CRAMP1: variants seen among roughly 807,000 people sequenced by gnomAD.
CRAMP1 encodes protein cramped-like.
A neutral mutation model predicts 115.4 loss-of-function variants in CRAMP1; 50 were observed. That is an observed-to-expected ratio of 0.43 (90% CI 0.35 to 0.55). The LOEUF (loss-of-function observed/expected upper bound fraction) is 0.55. Ranked by LOEUF, CRAMP1 falls within the 20% of genes least tolerant of loss-of-function variation. The pLI is 0.01. For missense variants in CRAMP1, 1,679 were observed against 1,721.7 expected (o/e 0.98, Z 0.44); for synonymous variants, 866 against 745.4 (o/e 1.16, Z -2.64).
At position 1,675,056 on chromosome 16, in the gene CRAMP1, C is replaced by A. The variant is rs1483994901; in HGVS notation, c.*1011C>A. On this transcript the variant is annotated 3_prime_UTR_variant, in exon 21 of 21. Coordinates refer to ENST00000397412, the MANE Select transcript of CRAMP1 (RefSeq NM_020825.4). ...ACATACGTGTTCAGTCCCTTGCATACCTTTGCCTTGAGACTTCTGTGTCTC... is the reference window on the plus strand; with the variant it reads ...ACATACGTGTTCAGTCCCTTGCATAACTTTGCCTTGAGACTTCTGTGTCTC... The A allele has an allele frequency of 2.6e-5, 4 of 152,266 alleles. No individual in the cohort carries two copies. The highest frequency in any genetic ancestry group is 6.5e-5 in the Admixed American group (1 of 15,286). The allele number at this position is 152,266 out of a possible 1,614,324, so 9.4% of individuals were successfully genotyped here.
At chr16:1,617,575 A>C (rs191160603) in intron 2 of CRAMP1, among the ~76,000 whole-genome samples, 1 of 152,212 alleles carries the variant, frequency 6.6e-6, no homozygotes, top group Non-Finnish European at 1.5e-5. Context: ...TGTAACTTCT[A>C]TTATGCCTAA....
chr16:1,670,043 C>T (rs1340074336), intron 19 of CRAMP1, among the ~76,000 whole-genome samples: 1 of 152,054 alleles, frequency 6.6e-6, no homozygotes, highest in African/African-American at 2.4e-5. Context: ...GGTAGGAGGA[C>T]TGCTTGAGGC....
chr16:1,626,927 G>A (rs1050085948), intron 3 of CRAMP1, among the ~76,000 whole-genome samples: 1 of 152,180 alleles, frequency 6.6e-6, no homozygotes, highest in Non-Finnish European at 1.5e-5. Context: ...TGCCACTGCA[G>A]TGGCATAGTT....
At position 1,668,644 on chromosome 16, in the gene CRAMP1, T is replaced by C. The variant is rs538621445; in HGVS notation, c.3335-357T>C. Among the ~76,000 whole-genome samples the C allele has an allele frequency of 9.2e-5, 14 of 152,304 alleles. No individual in the cohort carries two copies. In the East Asian group the frequency reaches 2.5e-3, roughly 27 times the overall value. On this transcript the variant is annotated intron_variant, in intron 18 of 20. Coordinates refer to ENST00000397412, the MANE Select transcript of CRAMP1 (RefSeq NM_020825.4). Reference sequence around the variant, plus strand: ...CCCAGGCTGTGGGCTGAGAGAGATATGAGTTCACAGTGTGCTAGCATGTAG... The same window carrying C: ...CCCAGGCTGTGGGCTGAGAGAGATACGAGTTCACAGTGTGCTAGCATGTAG...
In CRAMP1 at chr16:1,666,122, G is replaced by C; in HGVS notation, c.2802G>C (p.Leu934=). The C allele has an allele frequency of 6.2e-7, 1 of 1,612,200 alleles. No homozygotes were observed. The highest frequency in any genetic ancestry group is 8.5e-7 in the Non-Finnish European group (1 of 1,179,276). The change falls in exon 15 of 21, where the codon CTG becomes CTC. Residue 934 remains leucine, a synonymous_variant. Transcript: ENST00000397412. The surrounding 1 kb of genome is among the most constrained non-coding windows in gnomAD (Gnocchi z 5.0). ...PIQSSLTKAA[L]SRPIVPKVLP... ...AGTCTTCTCTGACCAAAGCAGCTCT[G>C]TCTCGGCCGATCGTGCCCAAGGTCC...
rs777354044 is a variant in CRAMP1, at chr16:1,666,412, T to C, written c.2858-10T>C. On this transcript the variant is annotated splice_polypyrimidine_tract_variant and intron_variant, in intron 15 of 20. Coordinates refer to ENST00000397412, the MANE Select transcript of CRAMP1 (RefSeq NM_020825.4). The surrounding 1 kb of genome is among the most constrained non-coding windows in gnomAD (Gnocchi z 5.0). ...AGAGCAGAGATGTGCAGCGTCCTTT[T>C]TGTTGCCAGGTGCTATCGACTTAGC... The C allele has an allele frequency of 2.5e-6, 4 of 1,609,998 alleles. No individual in the cohort carries two copies. The African/African-American group carries it at 4.0e-5, about 16-fold the overall frequency.
chr16:1,619,272 A>T (rs551656768), intron 2 of CRAMP1, among the ~76,000 whole-genome samples: 9 of 152,180 alleles, frequency 5.9e-5, no homozygotes, highest in African/African-American at 2.2e-4. Context: ...TCTCCGCCTC[A>T]CAGGTTCAAG....
chr16:1,652,485 T>A lies in CRAMP1; in HGVS notation c.828-11T>A. On this transcript the variant is annotated splice_polypyrimidine_tract_variant and intron_variant, in intron 6 of 20. Coordinates refer to ENST00000397412, the MANE Select transcript of CRAMP1 (RefSeq NM_020825.4). ...ACAGGCCTCAGCGTTCCTTCAAAAC[T>A]CTTTTCCCAGGGCCACCACTGTACG... is the stretch of plus-strand genomic sequence containing the variant. 6.4e-7 allele frequency: 1 copy of A among 1,551,008 alleles called. No homozygotes were observed.
chr16:1,667,462 G>C (rs1450212828), intron 17 of CRAMP1, 62 bp downstream of exon 17: 7 of 1,340,598 alleles, frequency 5.2e-6, no homozygotes, highest in Non-Finnish European at 7.4e-6. Flanking sequence ...CCAGTGCCCT[G>C]AGCTGCCACC....
chr16:1,666,421 G>T lies in CRAMP1; in HGVS notation c.2858-1G>T. ...ATGTGCAGCGTCCTTTTTGTTGCCA[G>T]GTGCTATCGACTTAGCAGCTACAAG... On this transcript the variant is annotated splice_acceptor_variant, in intron 15 of 20. Coordinates refer to ENST00000397412, the MANE Select transcript of CRAMP1 (RefSeq NM_020825.4). LOFTEE classifies it high-confidence loss of function. This position sits in a 1 kb window ranked among gnomAD's most constrained non-coding sequence, Gnocchi z 5.0. 1 of 1,611,856 alleles carries T rather than the reference G, an allele frequency of 6.2e-7. No homozygotes were observed. Among genetic ancestry groups the T allele is most frequent in the Non-Finnish European group, 8.5e-7 (1 of 1,178,868 alleles).
Position 1,666,687 on chromosome 16 carries a change from C to G in CRAMP1, c.3036+87C>G. Reference sequence around the variant, plus strand: ...CATGGGGCTGAGATCACGCTGGACTCCAGCTCTGCCTTTGGAGGAGAGTCT... The same window carrying G: ...CATGGGGCTGAGATCACGCTGGACTGCAGCTCTGCCTTTGGAGGAGAGTCT... On this transcript the variant is annotated intron_variant, in intron 16 of 20. Coordinates refer to ENST00000397412, the MANE Select transcript of CRAMP1 (RefSeq NM_020825.4). The surrounding 1 kb of genome is among the most constrained non-coding windows in gnomAD (Gnocchi z 5.0). 8.1e-7 allele frequency: 1 copy of G among 1,241,700 alleles called. No individual in the cohort carries two copies. The allele number at this position is 1,241,700 out of a possible 1,614,324, so 76.9% of individuals were successfully genotyped here. A position where few individuals can be genotyped will look rare whatever the true frequency, so the allele number is the denominator to read the frequency against.
chr16:1,638,613 T>G (rs1189686189), intron 5 of CRAMP1, among the ~76,000 whole-genome samples: 1 of 152,196 alleles, frequency 6.6e-6, no homozygotes, highest in African/African-American at 2.4e-5. Context: ...CAGCCCTGCT[T>G]CTTCTGCCTG....
intron 2 of CRAMP1, among the ~76,000 whole-genome samples, chr16:1,619,046 T>C (rs2036444375): frequency 6.6e-6 from 1 of 152,234 alleles, no homozygotes; most frequent in Non-Finnish European, 1.5e-5. Flanking sequence ...TGTATCTTAT[T>C]GTGGCTTATG....
intron 2 of CRAMP1, among the ~76,000 whole-genome samples, chr16:1,621,129 C>T (rs2036462363): frequency 6.6e-6 from 1 of 152,168 alleles, no homozygotes; most frequent in African/African-American, 2.4e-5. Context: ...CCTACTCAGC[C>T]CGTGCCTCAG....
At chr16:1,661,187 G>T (rs2036826133) in intron 11 of CRAMP1, among the ~76,000 whole-genome samples, 1 of 152,064 alleles carries the variant, frequency 6.6e-6, no homozygotes, top group South Asian at 2.1e-4. Flanking sequence ...TTGAATGTTG[G>T]GGCTCATACC....
chr16:1,622,205 G>GT (rs1460355688), intron 2 of CRAMP1, among the ~76,000 whole-genome samples: 1 of 152,196 alleles, frequency 6.6e-6, no homozygotes, highest in Non-Finnish European at 1.5e-5. Flanking sequence ...GTTTGTGATT[G>GT]TTTTTTAAAA....
Position 1,668,986 on chromosome 16 carries a change from G to A in CRAMP1, c.3335-15G>A, listed in dbSNP as rs774841434. 3.9e-5 allele frequency: 63 copies of A among 1,612,680 alleles called. No homozygotes were observed. The highest frequency in any genetic ancestry group is 4.8e-5 in the Non-Finnish European group (57 of 1,179,364). On this transcript the variant is annotated splice_polypyrimidine_tract_variant and intron_variant, in intron 18 of 20. Transcript: ENST00000397412. ...CCGCAACAAGGCGTTTCTGATCTGG[G>A]ATCTTGGTTGGCAGGTGAAGGAGTC...
chr16:1,625,743 C>A, intron 2 of CRAMP1: 1 of 467,328 alleles, frequency 2.1e-6, no homozygotes. Flanking sequence ...AATCTTGCTC[C>A]TTTTCTAACT....
rs185243602 is a variant in CRAMP1, at chr16:1,671,081, G to A, written c.3645+272G>A. On this transcript the variant is annotated intron_variant, in intron 20 of 20. Transcript: ENST00000397412. This position sits in a 1 kb window ranked among gnomAD's most constrained non-coding sequence, Gnocchi z 5.0. ...TGGAAACCCTGGTCTGGGGCGCAGA[G>A]CAGGGTCTCTGAAGGCAGCCAGAGC... Among the ~76,000 whole-genome samples the A allele has an allele frequency of 5.6e-4, 86 of 152,346 alleles. No individual in the cohort carries two copies. Among genetic ancestry groups the A allele is most frequent in the African/African-American group, 2.0e-3 (84 of 41,588 alleles).
Sources: allele counts gnomAD v4.1 joint callset (sites outside exome capture counted in the v4.1 genomes callset), GRCh38; gene constraint gnomAD v4.1.1; non-coding constraint Gnocchi (gnomAD v3.1); transcripts MANE v1.5; gene names NCBI Gene and HGNC (gene_info 2026-07-23, HGNC 2026-07-21).